Variants in TBC1D12 observed in about 807,000 individuals in gnomAD.
The protein encoded by TBC1D12 is TBC1 domain family, member 12.
In TBC1D12, 56 loss-of-function variants were observed where a neutral mutation model predicts 86.7. The observed-to-expected ratio is 0.65, with a 90% CI of 0.52 to 0.81. The LOEUF (loss-of-function observed/expected upper bound fraction) is 0.81, where lower values mean the gene tolerates loss of function less well. Ranked by LOEUF, TBC1D12 falls within the 30% of genes least tolerant of loss-of-function variation. TBC1D12 has a pLI of 0.00. For synonymous variants in TBC1D12, 421 were observed against 411.7 expected (o/e 1.02, Z -0.27); for missense variants, 1,023 against 1,038.8 (o/e 0.98, Z 0.21).
chr10:94,497,082 G>T lies in TBC1D12; in HGVS notation c.1322G>T (p.Arg441Ile). ...REIKEAHKRK[R>I]IMKERFKQEE... ...ATTAAGGAAGCACATAAAAGAAAAAGAATCATGAAAGAACGATTTAAGCAG... is the reference window on the plus strand; with the variant it reads ...ATTAAGGAAGCACATAAAAGAAAAATAATCATGAAAGAACGATTTAAGCAG... Residue 441 changes from arginine to isoleucine, a missense_variant, in exon 5 of 13, where the codon AGA becomes ATA. This residue lies in a region of TBC1D12 where 395 missense variants were observed against 507.7 expected (regional missense o/e 0.78). Coordinates refer to ENST00000225235, the MANE Select transcript of TBC1D12 (RefSeq NM_015188.2). The T allele has an allele frequency of 6.4e-7, 1 of 1,568,320 alleles. No homozygotes were observed. Among genetic ancestry groups the T allele is most frequent in the South Asian group, 1.2e-5 (1 of 83,938 alleles).
At chr10:94,452,871 GTGGT>G (rs1370770980) in intron 2 of TBC1D12, among the ~76,000 whole-genome samples, 1 of 152,200 alleles carries the variant, frequency 6.6e-6, no homozygotes, top group Admixed American at 6.5e-5. Flanking sequence ...ATCTTCCAAA[GTGGT>G]TGTACCATTG....
At chr10:94,440,810 A>G (rs1236017112) in intron 1 of TBC1D12, among the ~76,000 whole-genome samples, 2 of 152,196 alleles carry the variant, frequency 1.3e-5, no homozygotes, top group Non-Finnish European at 2.9e-5. Flanking sequence ...CCCTGCTTAC[A>G]TAAAAAAATA....
intron 6 of TBC1D12, among the ~76,000 whole-genome samples, chr10:94,502,398 A>C (rs1354685564): frequency 6.6e-6 from 1 of 151,192 alleles, no homozygotes; most frequent in Non-Finnish European, 1.5e-5. Context: ...ATAATATCAA[A>C]TAGAGGAAAG....
intron 7 of TBC1D12, chr10:94,508,482 A>AT (rs1057224012): frequency 2.0e-5 from 3 of 150,154 alleles, no homozygotes; most frequent in Non-Finnish European, 3.0e-5. Flanking sequence ...AGTTTCATTG[A>AT]TTTTTATTGA....
At chr10:94,456,863 TATG>T (rs1264974978) in intron 2 of TBC1D12, among the ~76,000 whole-genome samples, 1 of 152,232 alleles carries the variant, frequency 6.6e-6, no homozygotes, top group African/African-American at 2.4e-5. Flanking sequence ...TAGTTGCATA[TATG>T]ATAAGGATTT....
intron 2 of TBC1D12, among the ~76,000 whole-genome samples, chr10:94,453,526 A>C (rs532682070): frequency 1.3e-5 from 2 of 152,292 alleles, no homozygotes; most frequent in East Asian, 3.9e-4. Context: ...TAAAGTTTAT[A>C]AAACATTATC....
intron 11 of TBC1D12, 24 bp from the exon 12 acceptor site, chr10:94,531,169 AATTTCAGTG>A (rs1842409257): frequency 6.3e-7 from 1 of 1,589,950 alleles, no homozygotes. Context: ...ATGAATGAAA[AATTTCAGTG>A]ACCATTTTTC....
chr10:94,522,622 G>T (rs897354656), intron 11 of TBC1D12, among the ~76,000 whole-genome samples, 169 bp downstream of exon 11: 2 of 152,120 alleles, frequency 1.3e-5, no homozygotes, highest in South Asian at 2.1e-4. Context: ...TTGATTAAGA[G>T]CATGGACTCG....
chr10:94,529,872 A>G (rs1842381767), intron 11 of TBC1D12, among the ~76,000 whole-genome samples: 1 of 152,174 alleles, frequency 6.6e-6, no homozygotes, highest in Non-Finnish European at 1.5e-5. Flanking sequence ...AGTACTGTAT[A>G]CTAGAACCTG....
intron 1 of TBC1D12, among the ~76,000 whole-genome samples, chr10:94,418,358 A>G (rs2134058899): frequency 6.6e-6 from 1 of 152,322 alleles, no homozygotes; most frequent in East Asian, 1.9e-4. Context: ...AAGAAAATCC[A>G]GATTACAGCA....
chr10:94,455,832 C>T (rs1156260786), intron 2 of TBC1D12, among the ~76,000 whole-genome samples: 3 of 152,070 alleles, frequency 2.0e-5, no homozygotes, highest in African/African-American at 7.2e-5. Context: ...GTGGCATGCG[C>T]CTGTAGTCCC....
At chr10:94,502,591 C>T (rs1036145581) in intron 6 of TBC1D12, among the ~76,000 whole-genome samples, 2 of 151,672 alleles carry the variant, frequency 1.3e-5, no homozygotes, top group East Asian at 1.9e-4. Flanking sequence ...TCACACCACT[C>T]GAGAGGGTGA....
At chr10:94,472,241 C>CA (rs1246143363) in intron 2 of TBC1D12, among the ~76,000 whole-genome samples, 3 of 151,734 alleles carry the variant, frequency 2.0e-5, no homozygotes, top group East Asian at 3.9e-4. Context: ...CCCATCTCTA[C>CA]AAAAAAAAAT....
intron 6 of TBC1D12, among the ~76,000 whole-genome samples, chr10:94,506,725 T>C (rs755216893): frequency 1.1e-4 from 16 of 152,312 alleles, no homozygotes; most frequent in South Asian, 4.1e-4. Context: ...TAGCTTTAGA[T>C]AGCAATATCA....
intron 11 of TBC1D12, among the ~76,000 whole-genome samples, chr10:94,527,500 G>GT (rs34075470): frequency 8.2e-4 from 122 of 148,558 alleles, no homozygotes; most frequent in African/African-American, 2.0e-3. Context: ...ATTCTGTGGG[G>GT]TTTTTTTTTT....
intron 1 of TBC1D12, among the ~76,000 whole-genome samples, chr10:94,425,099 C>T (rs1480535665): frequency 6.6e-6 from 1 of 152,152 alleles, no homozygotes; most frequent in Non-Finnish European, 1.5e-5. Flanking sequence ...TATAGGGAAT[C>T]ACTGCATGGG....
rs978333468 is a variant in TBC1D12 at position 94,402,755 on chromosome 10, C to T, written c.142C>T (p.Pro48Ser). 4 of 1,548,090 alleles carry T rather than the reference C, an allele frequency of 2.6e-6. No individual in the cohort carries two copies. The Admixed American group carries it at 7.8e-5, about 30-fold the overall frequency. ...GFGGGVGAVE[P>S]PEEADEEEEA... The stretch of plus-strand genomic sequence containing the variant: ...TGGCGGAGGCGTCGGCGCTGTGGAG[C>T]CGCCGGAGGAGGCTGACGAGGAGGA... Residue 48 changes from proline (P) to serine (S), a missense_variant, in exon 1 of 13, where the codon CCG (proline) becomes TCG (serine). Pro to Ser is a moderately conservative substitution (Grantham distance 74, BLOSUM62 -1). Transcript: ENST00000225235.
chr10:94,424,953 G>A, intron 1 of TBC1D12, among the ~76,000 whole-genome samples: 1 of 152,312 alleles, frequency 6.6e-6, no homozygotes, highest in African/African-American at 2.4e-5. Flanking sequence ...CCATAGGGAG[G>A]TGATCAACAG....
In TBC1D12 at chr10:94,403,359, C is replaced by G. The variant is rs2054798564; in HGVS notation, c.746C>G (p.Pro249Arg). The G allele has an allele frequency of 6.5e-7, 1 of 1,528,000 alleles. No homozygotes were observed. The highest frequency in any genetic ancestry group is 8.8e-7 in the Non-Finnish European group (1 of 1,138,218). 94.7% of individuals were successfully genotyped at this position (1,528,000 alleles called of 1,614,324 possible). ...GGGGGTCCCGAGGAGGGCGCGCCCC[C>G]TGCCACCTCGGCCGAGAGGACTAAT... ...GAGGPEEGAP[P>R]ATSAERTNGG... The change falls in exon 1 of 13, where the codon CCT (proline) becomes CGT (arginine). Residue 249 changes from proline (P) to arginine (R), a missense_variant. This residue lies in a region of TBC1D12 where 628 missense variants were observed against 531.1 expected (regional missense o/e 1.18). Coordinates refer to ENST00000225235, the MANE Select transcript of TBC1D12 (RefSeq NM_015188.2).
Sources: allele counts gnomAD v4.1 joint callset (sites outside exome capture counted in the v4.1 genomes callset), GRCh38; gene constraint gnomAD v4.1.1; regional missense constraint gnomAD v4.1.1; transcripts MANE v1.5; gene names NCBI Gene and HGNC (gene_info 2026-07-23, HGNC 2026-07-21).